Variants in SYT1 observed in about 807,000 individuals in gnomAD.
SYT1 encodes synaptotagmin-1.
In SYT1, 8 loss-of-function variants were observed where a neutral mutation model predicts 44.8. The observed-to-expected ratio is 0.18, with a 90% CI of 0.10 to 0.32. The LOEUF is 0.32. Ranked by LOEUF, SYT1 falls within the 10% of genes least tolerant of loss-of-function variation. The pLI, the probability that SYT1 is intolerant of heterozygous loss-of-function variation, is 1.00. For synonymous variants in SYT1, 154 were observed against 188.8 expected (o/e 0.82, Z 1.51); for missense variants, 286 against 509.3 (o/e 0.56, Z 4.22).
intron 3 of SYT1, among the ~76,000 whole-genome samples, chr12:79,123,308 AAT>A (rs1491309087): frequency 3.1e-5 from 3 of 96,534 alleles, no homozygotes; most frequent in East Asian, 4.0e-4. Context: ...CTAAAAATGC[AAT>A]GTGTGTGTGT....
At position 79,299,530 on chromosome 12, in the gene SYT1, G is replaced by A. The variant is rs757992677; in HGVS notation, c.789G>A (p.Leu263=). ...ATGTAACTGAGGAATGGCGTGACCT[G>A]CAAAGTGCTGAGAAGGAAGAGGTAA... ...FGHVTEEWRD[L]QSAEKEEQEK... The change falls in exon 8 of 11, where the codon CTG becomes CTA. Residue 263 remains leucine (L), a synonymous_variant. Coordinates refer to ENST00000261205, the MANE Select transcript of SYT1 (RefSeq NM_005639.3). 9.4e-5 allele frequency: 152 copies of A among 1,612,868 alleles called. No homozygotes were observed. The East Asian group carries it at 3.3e-3, about 35-fold the overall frequency.
At chr12:79,342,378 T>C (rs1882415923) in intron 8 of SYT1, among the ~76,000 whole-genome samples, 1 of 151,558 alleles carries the variant, frequency 6.6e-6, no homozygotes, top group Non-Finnish European at 1.5e-5. Context: ...ACCACAGGCA[T>C]GCACCACCAT....
At chr12:78,918,238 G>T (rs908008709) in intron 1 of SYT1, among the ~76,000 whole-genome samples, 2 of 152,194 alleles carry the variant, frequency 1.3e-5, no homozygotes. Flanking sequence ...TACATGCTCT[G>T]AGTGGGCTTG....
intron 3 of SYT1, among the ~76,000 whole-genome samples, chr12:79,101,483 TATACAA>T (rs1394095172): frequency 6.6e-6 from 1 of 152,072 alleles, no homozygotes; most frequent in Non-Finnish European, 1.5e-5. Context: ...AGAGTCAGAG[TATACAA>T]GGTACAAAGT....
intron 2 of SYT1, among the ~76,000 whole-genome samples, chr12:78,978,638 A>G (rs1172833321): frequency 6.6e-6 from 1 of 152,198 alleles, no homozygotes; most frequent in Non-Finnish European, 1.5e-5. Context: ...CATACACACA[A>G]TTCTATGAAG....
intron 1 of SYT1, among the ~76,000 whole-genome samples, chr12:78,879,139 G>T (rs527547941): frequency 6.6e-6 from 1 of 151,810 alleles, no homozygotes; most frequent in African/African-American, 2.4e-5. Context: ...GAAGAGATAA[G>T]CTGCATCAGG....
intron 3 of SYT1, among the ~76,000 whole-genome samples, chr12:79,187,574 T>C (rs565151978): frequency 2.0e-5 from 3 of 152,258 alleles, no homozygotes; most frequent in South Asian, 2.1e-4. Flanking sequence ...GGTGAGCAGC[T>C]TTAATATTTC....
intron 9 of SYT1, among the ~76,000 whole-genome samples, chr12:79,391,910 G>A (rs17005544): frequency 0.15 from 22,615 of 152,036 alleles, 2,029 homozygotes; most frequent in Middle Eastern, 0.34. Flanking sequence ...CCAGTATCAC[G>A]GTAATTTTGC....
chr12:79,051,187 C>T (rs1406689463), intron 3 of SYT1, among the ~76,000 whole-genome samples: 3 of 151,514 alleles, frequency 2.0e-5, no homozygotes, highest in African/African-American at 7.3e-5. Flanking sequence ...TCAACCAAAA[C>T]ACTAGTGAAA....
chr12:78,978,929 A>T (rs1342900023), intron 2 of SYT1, among the ~76,000 whole-genome samples: 1 of 152,214 alleles, frequency 6.6e-6, no homozygotes, highest in Non-Finnish European at 1.5e-5. Context: ...AAGTAAATGT[A>T]CCTATACGCT....
chr12:79,374,668 G>A (rs1883922927), intron 9 of SYT1, among the ~76,000 whole-genome samples: 1 of 152,198 alleles, frequency 6.6e-6, no homozygotes, highest in Non-Finnish European at 1.5e-5. Context: ...TGGATGGGTA[G>A]CAGGATGGCT....
chr12:79,031,558 G>A (rs893326317), intron 2 of SYT1, among the ~76,000 whole-genome samples: 3 of 150,978 alleles, frequency 2.0e-5, no homozygotes, highest in Non-Finnish European at 3.0e-5. Context: ...AAATCCATCC[G>A]CTCTTACTTC....
At chr12:79,333,584 G>A (rs552731435) in intron 8 of SYT1, among the ~76,000 whole-genome samples, 1 of 152,086 alleles carries the variant, frequency 6.6e-6, no homozygotes, top group East Asian at 1.9e-4. Context: ...TCTAAAGAGG[G>A]TTTTTTTGCA....
chr12:79,424,419 G>A (rs965348372), intron 9 of SYT1, among the ~76,000 whole-genome samples: 4 of 152,130 alleles, frequency 2.6e-5, no homozygotes, highest in Non-Finnish European at 5.9e-5. Flanking sequence ...TATTTGCAAA[G>A]GTTTTAGTGA....
At chr12:79,436,281 T>C (rs1354615105) in intron 9 of SYT1, among the ~76,000 whole-genome samples, 1 of 152,090 alleles carries the variant, frequency 6.6e-6, no homozygotes, top group Non-Finnish European at 1.5e-5. Flanking sequence ...ACACTGTAAG[T>C]TGAAAATAGT....
At chr12:79,073,368 G>A (rs984259418) in intron 3 of SYT1, among the ~76,000 whole-genome samples, 7 of 152,146 alleles carry the variant, frequency 4.6e-5, no homozygotes, top group Non-Finnish European at 8.8e-5. Context: ...CTTAACAGGA[G>A]GAGATAGCAA....
intron 4 of SYT1, among the ~76,000 whole-genome samples, chr12:79,226,167 TAAATCATACA>T (rs1328650372): frequency 1.4e-5 from 1 of 73,350 alleles, no homozygotes; most frequent in Non-Finnish European, 2.8e-5. Flanking sequence ...AGCATCTTAC[TAAATCATACA>T]TTTTAAATTT....
intron 8 of SYT1, among the ~76,000 whole-genome samples, chr12:79,316,275 G>T (rs1367412890): frequency 6.6e-6 from 1 of 152,178 alleles, no homozygotes; most frequent in African/African-American, 2.4e-5. Flanking sequence ...GTTATTTTGT[G>T]TCTGGCTTCT....
At chr12:79,173,203 C>T (rs1264603716) in intron 3 of SYT1, among the ~76,000 whole-genome samples, 1 of 151,800 alleles carries the variant, frequency 6.6e-6, no homozygotes, top group South Asian at 2.1e-4. Context: ...AATGTGTATC[C>T]CCAATTTGGT....
Sources: gnomAD v4.1 joint callset for allele counts (sites outside exome capture counted in the v4.1 genomes callset) on GRCh38, gnomAD v4.1.1 for gene constraint, MANE v1.5 for transcripts, NCBI Gene and HGNC (gene_info 2026-07-23, HGNC 2026-07-21) for gene names.